Variants in DRC1 observed in about 807,000 individuals in gnomAD.
DRC1 encodes the protein dynein regulatory complex subunit 1.
Under a neutral mutation model 98.7 loss-of-function variants are expected in DRC1, and 74 were observed. That is an observed-to-expected ratio of 0.75 (90% confidence interval 0.62 to 0.91). The LOEUF (loss-of-function observed/expected upper bound fraction) is 0.91, where lower values mean the gene tolerates loss of function less well. Ranked by LOEUF, DRC1 falls within the 40% of genes least tolerant of loss-of-function variation. DRC1 has a pLI of 0.00. For synonymous variants in DRC1, 336 were observed against 334.1 expected, an observed-to-expected ratio of 1.01 and a Z score of -0.06; for missense variants, 875 against 886.0, an observed-to-expected ratio of 0.99 and a Z score of 0.16.
intron 7 of DRC1, among the ~76,000 whole-genome samples, chr2:26,432,274 A>T (rs969335896): frequency 3.9e-5 from 6 of 152,144 alleles, no homozygotes; most frequent in African/African-American, 1.2e-4. Context: ...AGGCATGAGG[A>T]TCGCTTGAGC....
chr2:26,426,483 C>T (rs1663288140), intron 4 of DRC1, among the ~76,000 whole-genome samples: 1 of 151,824 alleles, frequency 6.6e-6, no homozygotes, highest in African/African-American at 2.4e-5. Flanking sequence ...TCTTCTGCCT[C>T]AGCCTCCCGA....
chr2:26,414,782 A>G (rs1347797915), intron 2 of DRC1, among the ~76,000 whole-genome samples: 1 of 152,070 alleles, frequency 6.6e-6, no homozygotes, highest in Non-Finnish European at 1.5e-5. Context: ...CACTTTGGTG[A>G]GGCGGATCCA....
chr2:26,441,698 C>G (rs1663721223), intron 8 of DRC1, among the ~76,000 whole-genome samples: 1 of 152,096 alleles, frequency 6.6e-6, no homozygotes, highest in African/African-American at 2.4e-5. Flanking sequence ...GAAAGTCACA[C>G]AGTGGGTGAA....
chr2:26,413,653 A>G (rs1178450989), intron 1 of DRC1, among the ~76,000 whole-genome samples: 1 of 152,100 alleles, frequency 6.6e-6, no homozygotes. Flanking sequence ...ATCCTCTGCC[A>G]GTTTTTCTCT....
intron 8 of DRC1, among the ~76,000 whole-genome samples, chr2:26,443,352 T>G (rs1663766257): frequency 6.6e-6 from 1 of 152,184 alleles, no homozygotes; most frequent in Non-Finnish European, 1.5e-5. Context: ...TGGGCCGAGT[T>G]TCCATGCACA....
intron 1 of DRC1, among the ~76,000 whole-genome samples, chr2:26,403,324 T>C (rs926710867): frequency 6.6e-6 from 1 of 152,210 alleles, no homozygotes; most frequent in Admixed American, 6.5e-5. Flanking sequence ...TTTTTGGTGT[T>C]GTACATCCTA....
chr2:26,406,954 G>A (rs561604912), intron 1 of DRC1, among the ~76,000 whole-genome samples: 20 of 151,574 alleles, frequency 1.3e-4, no homozygotes, highest in Middle Eastern at 3.4e-3. Flanking sequence ...GAGTAGCTGG[G>A]ACCACAGGTG....
intron 2 of DRC1, among the ~76,000 whole-genome samples, chr2:26,416,980 TGAGA>T (rs974415954): frequency 1.3e-5 from 2 of 149,958 alleles, no homozygotes; most frequent in Non-Finnish European, 3.0e-5. Flanking sequence ...GGAGCAGGAG[TGAGA>T]GAGAGAGTGC....
At chr2:26,429,191 T>G (rs576825856) in intron 4 of DRC1, among the ~76,000 whole-genome samples, 2,955 of 12,730 alleles carry the variant, frequency 0.23, 53 homozygotes, top group Middle Eastern at 0.5. Context: ...AGATGATTAT[T>G]ATTATTATTA....
At chr2:26,442,514 G>C (rs1000426268) in intron 8 of DRC1, among the ~76,000 whole-genome samples, 1 of 152,084 alleles carries the variant, frequency 6.6e-6, no homozygotes, top group Non-Finnish European at 1.5e-5. Context: ...TATGTCTTGA[G>C]TATCTAGATA....
At chr2:26,402,265 C>T in intron 1 of DRC1, 121 bp downstream of exon 1, 1 of 1,398,778 alleles carries the variant, frequency 7.1e-7, no homozygotes, top group South Asian at 1.5e-5. Context: ...AAGTAAAACG[C>T]TGGGCCGGTG....
chr2:26,427,987 C>G (rs967991462), intron 4 of DRC1, among the ~76,000 whole-genome samples: 8 of 152,152 alleles, frequency 5.3e-5, no homozygotes, highest in African/African-American at 1.9e-4. Context: ...CTGATGGACA[C>G]TTAGGTTGAT....
In DRC1 at chr2:26,455,942, T is replaced by A. The variant is rs1469643357; in HGVS notation, c.2167-519T>A. ...GTGACGCAGCTGTTAGTTGCACACG[T>A]GTGAGGTGACTGAGGCCAGCTCCAA... On this transcript the variant is annotated intron_variant, in intron 16 of 16. Coordinates refer to ENST00000288710, the MANE Select transcript of DRC1 (RefSeq NM_145038.5). Among the ~76,000 whole-genome samples the A allele has an allele frequency of 1.1e-3, 3 of 2,816 alleles. No homozygotes were observed. The Non-Finnish European group carries it at 0.065, about 61-fold the overall frequency. The allele number at this position is 2,816 out of a possible 152,430, so 1.8% of individuals were successfully genotyped here. A position where few individuals can be genotyped will look rare whatever the true frequency, so the allele number is the denominator to read the frequency against.
At position 26,442,312 on chromosome 2, in the gene DRC1, G is replaced by T. The variant is rs372947046; in HGVS notation, c.1028+1795G>T. 3.3e-5 allele frequency among the ~76,000 whole-genome samples: 5 copies of T among 152,152 alleles called. No homozygotes were observed. The East Asian group carries it at 9.6e-4, about 29-fold the overall frequency. The stretch of plus-strand genomic sequence containing the variant: ...CAAGCCGTAGCAACCTATGACCCCA[G>T]GATTGGACAAAAACTTCCCACAGTA... On this transcript the variant is annotated intron_variant, in intron 8 of 16. Transcript: ENST00000288710.
intron 7 of DRC1, among the ~76,000 whole-genome samples, chr2:26,436,400 C>T (rs972637010): frequency 2.6e-5 from 4 of 152,164 alleles, no homozygotes; most frequent in Admixed American, 2.6e-4. Context: ...CCTCGACTTC[C>T]CAGCAGGCTC....
intron 7 of DRC1, among the ~76,000 whole-genome samples, chr2:26,438,831 A>T (rs1048608841): frequency 7.2e-5 from 11 of 152,170 alleles, no homozygotes; most frequent in African/African-American, 2.7e-4. Context: ...GAGGCTGGAG[A>T]TAGCACACAC....
intron 13 of DRC1, among the ~76,000 whole-genome samples, chr2:26,451,148 C>T (rs1663997305): frequency 6.6e-6 from 1 of 152,122 alleles, no homozygotes; most frequent in Admixed American, 6.5e-5. Context: ...CTTAGCATTT[C>T]CCTTATTGTT....
intron 6 of DRC1, among the ~76,000 whole-genome samples, chr2:26,431,583 A>T (rs1663437620): frequency 6.6e-6 from 1 of 152,008 alleles, no homozygotes; most frequent in Non-Finnish European, 1.5e-5. Flanking sequence ...TAAACATCTG[A>T]TTTCAGGGTC....
intron 13 of DRC1, among the ~76,000 whole-genome samples, chr2:26,453,052 G>A (rs1244649907): frequency 1.3e-5 from 2 of 152,194 alleles, no homozygotes; most frequent in East Asian, 3.8e-4. Context: ...TTTCTAACAT[G>A]TAAGCTTTAT....
Sources: allele counts gnomAD v4.1 joint callset (sites outside exome capture counted in the v4.1 genomes callset), GRCh38; gene constraint gnomAD v4.1.1; transcripts MANE v1.5; gene names NCBI Gene and HGNC (gene_info 2026-07-23, HGNC 2026-07-21).